The following SLC26A7 variants were observed in gnomAD, a reference collection of about 807,000 sequenced individuals.
SLC26A7 encodes the protein solute carrier family 26 member 7.
In SLC26A7, 59 loss-of-function variants were observed where a neutral mutation model predicts 82.5. The observed-to-expected ratio is 0.72, with a 90% CI of 0.58 to 0.89. The LOEUF is 0.89. Ranked by LOEUF, SLC26A7 falls within the 40% of genes least tolerant of loss-of-function variation. SLC26A7 has a pLI of 0.00. For missense variants in SLC26A7, 820 were observed against 793.0 expected (o/e 1.03, Z -0.41); for synonymous variants, 271 against 274.3 (o/e 0.99, Z 0.12).
At chr8:91,322,515 C>CA (rs1049387327) in intron 5 of SLC26A7, among the ~76,000 whole-genome samples, 2 of 151,734 alleles carry the variant, frequency 1.3e-5, no homozygotes, top group Non-Finnish European at 2.9e-5. Flanking sequence ...TTCTTATTTA[C>CA]AAAAAAAATT....
chr8:91,388,833 G>A (rs1322709507), intron 15 of SLC26A7, among the ~76,000 whole-genome samples: 1 of 152,054 alleles, frequency 6.6e-6, no homozygotes, highest in Non-Finnish European at 1.5e-5. Context: ...TCCCTTCCAA[G>A]GCTGTGGGAC....
At chr8:91,350,263 C>A (rs1813677062) in intron 9 of SLC26A7, among the ~76,000 whole-genome samples, 1 of 151,966 alleles carries the variant, frequency 6.6e-6, no homozygotes, top group Admixed American at 6.6e-5. Context: ...ATACACACAC[C>A]TTTTAATAGT....
intron 16 of SLC26A7, among the ~76,000 whole-genome samples, chr8:91,390,314 T>C (rs568569339): frequency 3.3e-5 from 5 of 152,244 alleles, no homozygotes; most frequent in Admixed American, 3.3e-4. Flanking sequence ...AGACGGGGTT[T>C]CACCATGCTA....
At chr8:91,361,904 A>G (rs1234827498) in intron 11 of SLC26A7, among the ~76,000 whole-genome samples, 2 of 152,142 alleles carry the variant, frequency 1.3e-5, no homozygotes, top group Non-Finnish European at 1.5e-5. Context: ...CCTGAGCCTT[A>G]TGTATTAATA....
rs1472678408 is a variant in SLC26A7, at chr8:91,214,908, T to TG, written c.-149-3976dup. Among the ~76,000 whole-genome samples, 7 of 152,102 alleles carry TG rather than the reference T, an allele frequency of 4.6e-5. No individual in the cohort carries two copies. The East Asian group carries it at 1.4e-3, about 29-fold the overall frequency. On this transcript the variant is annotated intron_variant, in intron 1 of 5. Transcript: ENST00000522862. ...GGCTGGGTTTCCATCTGGAGGCTCCTGGGGGGAACCATTTTCTGGCCCTTG... is the reference window on the plus strand; with the variant it reads ...GGCTGGGTTTCCATCTGGAGGCTCCTGGGGGGGAACCATTTTCTGGCCCTTG...
At chr8:91,313,840 C>A (rs1238144376) in intron 4 of SLC26A7, among the ~76,000 whole-genome samples, 2 of 152,124 alleles carry the variant, frequency 1.3e-5, no homozygotes, top group African/African-American at 4.8e-5. Context: ...GCAGACTAAC[C>A]AACATAACCT....
chr8:91,350,470 C>T lies in SLC26A7; in HGVS notation c.1141-1340C>T, dbSNP rs1381820790. On this transcript the variant is annotated intron_variant, in intron 9 of 18. Coordinates refer to ENST00000276609, the MANE Select transcript of SLC26A7 (RefSeq NM_052832.4). Reference sequence around the variant, plus strand: ...AAAATTGTTGTATAACAAGTAAAATCAAGATATAGAATATTTCTATCACCC... The same window carrying T: ...AAAATTGTTGTATAACAAGTAAAATTAAGATATAGAATATTTCTATCACCC... Among the ~76,000 whole-genome samples the T allele has an allele frequency of 2.0e-5, 3 of 151,464 alleles. No homozygotes were observed. In the East Asian group the frequency reaches 5.8e-4, roughly 29 times the overall value.
chr8:91,344,035 A>G, intron 9 of SLC26A7: 1 of 983,140 alleles, frequency 1.0e-6, no homozygotes, highest in Non-Finnish European at 1.2e-6. Flanking sequence ...GACGATGTTG[A>G]TGATGACAAT....
chr8:91,233,930 C>T lies in SLC26A7; in HGVS notation c.-34+14925C>T, dbSNP rs369845801. ...TTCTCTTTTACTGCCTTCACTCTGT[C>T]CTTGGGCTCCTCTCTTCTCCAAAAA... On this transcript the variant is annotated intron_variant, in intron 2 of 5. Transcript: ENST00000522862. Among the ~76,000 whole-genome samples, 22 of 152,320 alleles carry T rather than the reference C, an allele frequency of 1.4e-4. No individual in the cohort carries two copies. The East Asian group carries it at 2.9e-3, about 20-fold the overall frequency.
At chr8:91,284,706 T>C (rs1433206250) in intron 2 of SLC26A7, among the ~76,000 whole-genome samples, 1 of 152,238 alleles carries the variant, frequency 6.6e-6, no homozygotes, top group Admixed American at 6.5e-5. Flanking sequence ...TAAAAGACTA[T>C]CTTTACATTT....
At position 91,322,266 on chromosome 8, in the gene SLC26A7, T is replaced by C. The variant is rs1264157456; in HGVS notation, c.642+3886T>C. Among the ~76,000 whole-genome samples, 4 of 152,270 alleles carry C rather than the reference T, an allele frequency of 2.6e-5. No individual in the cohort carries two copies. In the East Asian group the frequency reaches 5.8e-4, roughly 22 times the overall value. ...AGCTATGTTTTTTAGTTTATTTTTA[T>C]TTATAAAGGTTTTCAACAGTTCAAC... On this transcript the variant is annotated intron_variant, in intron 5 of 18. Transcript: ENST00000276609.
At chr8:91,269,245 C>T (rs2130731250) in intron 2 of SLC26A7, among the ~76,000 whole-genome samples, 1 of 152,082 alleles carries the variant, frequency 6.6e-6, no homozygotes, top group East Asian at 1.9e-4. Context: ...GCTTAAAGAA[C>T]TTTCTTTAGC....
At chr8:91,224,277 T>A (rs1436693477) in intron 2 of SLC26A7, among the ~76,000 whole-genome samples, 5 of 152,162 alleles carry the variant, frequency 3.3e-5, no homozygotes, top group Non-Finnish European at 7.3e-5. Context: ...CTTTTGGGTT[T>A]TCAGCATTTT....
chr8:91,269,507 ACT>A (rs1811208650), intron 2 of SLC26A7, among the ~76,000 whole-genome samples: 1 of 150,650 alleles, frequency 6.6e-6, no homozygotes, highest in Admixed American at 6.6e-5. Context: ...CCATATTGAG[ACT>A]CTGTTCAATG....
chr8:91,306,692 T>C (rs1197394194), intron 4 of SLC26A7, among the ~76,000 whole-genome samples: 1 of 151,654 alleles, frequency 6.6e-6, no homozygotes, highest in Non-Finnish European at 1.5e-5. Flanking sequence ...CTAAAGTCTA[T>C]ATGTTGTATC....
At chr8:91,393,669 C>T (rs1286258527) in intron 16 of SLC26A7, 128 bp from the exon 17 acceptor site, 1 of 924,276 alleles carries the variant, frequency 1.1e-6, no homozygotes, top group African/African-American at 1.7e-5. Context: ...GTAACAATGC[C>T]TCCCTCTGGT....
intron 5 of SLC26A7, among the ~76,000 whole-genome samples, chr8:91,319,988 T>G (rs1366502708): frequency 6.6e-6 from 1 of 152,184 alleles, no homozygotes; most frequent in African/African-American, 2.4e-5. Flanking sequence ...GATTTTGTTT[T>G]TCATTTTGTA....
intron 5 of SLC26A7, among the ~76,000 whole-genome samples, chr8:91,328,541 A>G (rs1258166637): frequency 6.6e-6 from 1 of 152,082 alleles, no homozygotes; most frequent in Non-Finnish European, 1.5e-5. Flanking sequence ...TCTTCTTGCT[A>G]TTCTACTTAT....
At chr8:91,356,258 T>C (rs1813865587) in intron 11 of SLC26A7, among the ~76,000 whole-genome samples, 1 of 152,262 alleles carries the variant, frequency 6.6e-6, no homozygotes. Flanking sequence ...ATGGGATGGC[T>C]GGGTCAAATG....
Sources: gnomAD v4.1 joint callset for allele counts (sites outside exome capture counted in the v4.1 genomes callset) on GRCh38, gnomAD v4.1.1 for gene constraint, MANE v1.5 for transcripts, NCBI Gene and HGNC (gene_info 2026-07-23, HGNC 2026-07-21) for gene names.